PIK3CB: variants seen among roughly 807,000 people sequenced by gnomAD.
PIK3CB encodes phosphatidylinositol-4,5-bisphosphate 3-kinase catalytic subunit beta.
PIK3CB carries 39 observed loss-of-function variants against 136.8 expected under a neutral mutation model. The ratio of observed to expected loss-of-function variants is 0.29; its 90% confidence interval spans 0.22 to 0.37. The LOEUF is 0.37. Ranked by LOEUF, PIK3CB falls within the 10% of genes least tolerant of loss-of-function variation. The probability of loss-of-function intolerance (pLI) is 1.00; values close to 1 mark genes in which losing one functional copy is unlikely to be tolerated. For missense variants in PIK3CB, 868 were observed against 1,275.4 expected, an observed-to-expected ratio of 0.68 and a Z score of 4.87; for synonymous variants, 428 against 436.6, an observed-to-expected ratio of 0.98 and a Z score of 0.25.
rs1295701645 is a variant in PIK3CB at position 138,826,235 on chromosome 3, G to C, written c.-122+8460C>G. On this transcript the variant is annotated intron_variant, in intron 1 of 23. Coordinates refer to ENST00000674063, the MANE Select transcript of PIK3CB (RefSeq NM_006219.3). The stretch of plus-strand genomic sequence containing the variant: ...ATTTTGCTGCTCGTGATATGAAACA[G>C]AGTTGCCGTGGGTGTCATCAAAGCA... 3.3e-6 allele frequency: 5 copies of C among 1,519,294 alleles called. No homozygotes were observed. The Admixed American group carries it at 6.7e-5, about 20-fold the overall frequency. The allele number at this position is 1,519,294 out of a possible 1,614,324, so 94.1% of individuals were successfully genotyped here.
intron 2 of PIK3CB, among the ~76,000 whole-genome samples, chr3:138,760,625 G>A (rs1327998502): frequency 6.6e-6 from 1 of 152,198 alleles, no homozygotes; most frequent in African/African-American, 2.4e-5. Context: ...AGAGACAGGA[G>A]GCCGGGCACA....
At chr3:138,683,512 A>G (rs7637669) in intron 18 of PIK3CB, among the ~76,000 whole-genome samples, 166 bp downstream of exon 18, 4,597 of 152,204 alleles carry the variant, frequency 0.03, 235 homozygotes, top group African/African-American at 0.11. Context: ...GAGGGGGAAA[A>G]AAAAAGCATT....
rs553406666 is a variant in PIK3CB, at chr3:138,693,994, T to A, written c.1892+792A>T. On this transcript the variant is annotated intron_variant, in intron 14 of 23. Coordinates refer to ENST00000674063, the MANE Select transcript of PIK3CB (RefSeq NM_006219.3). ...TATATATATATATATATATATATAT[T>A]TTAAACCCATGACAAAAATTAACAT... 6.0e-3 allele frequency among the ~76,000 whole-genome samples: 635 copies of A among 105,828 alleles called. 13 individuals are homozygous for A. The highest frequency in any genetic ancestry group is 0.018 in the African/African-American group (561 of 30,672). 69.4% of individuals were successfully genotyped at this position (105,828 alleles called of 152,430 possible).
At chr3:138,685,396 C>CAAAAAAAAAAAAAAAAAA (rs398052626) in intron 16 of PIK3CB, among the ~76,000 whole-genome samples, 29 of 58,348 alleles carry the variant, frequency 5.0e-4, no homozygotes, top group African/African-American at 1.6e-3. Flanking sequence ...GAAACTGTCT[C>CAAAAAAAAAAAAAAAAAA]AAAAAAAAAA....
At chr3:138,784,774 C>G (rs550861827) in intron 2 of PIK3CB, among the ~76,000 whole-genome samples, 63 of 152,346 alleles carry the variant, frequency 4.1e-4, no homozygotes, top group Non-Finnish European at 6.3e-4. Flanking sequence ...GATCTCAGCT[C>G]GCTATAACCT....
At chr3:138,706,815 T>C (rs361083) in intron 11 of PIK3CB, among the ~76,000 whole-genome samples, 90,605 of 152,052 alleles carry the variant, frequency 0.6, 27,828 homozygotes, top group East Asian at 0.98. Flanking sequence ...TGCCACCATG[T>C]CCAGCTAATT....
intron 2 of PIK3CB, among the ~76,000 whole-genome samples, chr3:138,779,692 C>A (rs1446096045): frequency 1.7e-5 from 2 of 115,008 alleles, no homozygotes; most frequent in Non-Finnish European, 3.6e-5. Context: ...CTGCACCTGG[C>A]CAAATTTTTT....
Position 138,724,686 on chromosome 3 carries a change from T to C in PIK3CB, c.1050+8675A>G, listed in dbSNP as rs111643058. On this transcript the variant is annotated intron_variant, in intron 8 of 23. Coordinates refer to ENST00000674063, the MANE Select transcript of PIK3CB (RefSeq NM_006219.3). ...CACTTCTATCATTACCCAGATTCCA[T>C]GGGTCTTGAAAGCTCTTTTGTCAGG... 3.5e-3 allele frequency among the ~76,000 whole-genome samples: 536 copies of C among 152,264 alleles called. 2 individuals carry two copies. Among genetic ancestry groups the C allele is most frequent in the Non-Finnish European group, 5.6e-3 (379 of 68,010 alleles).
intron 1 of PIK3CB, among the ~76,000 whole-genome samples, chr3:138,805,623 G>C (rs539291724): frequency 1.4e-4 from 22 of 151,814 alleles, no homozygotes; most frequent in African/African-American, 5.1e-4. Context: ...AGTGAGCCAA[G>C]ATTGCGCCAC....
chr3:138,817,540 A>G (rs965953715), intron 1 of PIK3CB, among the ~76,000 whole-genome samples: 3 of 152,134 alleles, frequency 2.0e-5, no homozygotes, highest in African/African-American at 7.2e-5. Context: ...AATAATTAAA[A>G]TATGCTGGTA....
intron 1 of PIK3CB, among the ~76,000 whole-genome samples, chr3:138,804,661 C>G (rs1332083064): frequency 6.6e-6 from 1 of 152,142 alleles, no homozygotes; most frequent in African/African-American, 2.4e-5. Flanking sequence ...TCACTAAATG[C>G]AAGACGCAAT....
intron 22 of PIK3CB, 77 bp downstream of exon 22, chr3:138,657,613 G>A: frequency 7.9e-7 from 1 of 1,260,372 alleles, no homozygotes; most frequent in Admixed American, 2.0e-5. Context: ...ATATATCTCA[G>A]CTAAGAAATG....
chr3:138,737,874 A>C lies in PIK3CB; in HGVS notation c.634T>G (p.Phe212Val). The change falls in exon 6 of 24, where the codon TTT becomes GTT. Residue 212 changes from phenylalanine (F) to valine (V), a missense_variant. Coordinates refer to ENST00000674063, the MANE Select transcript of PIK3CB (RefSeq NM_006219.3). ...GGATTCATATTAGGAGACACTTGAA[A>C]GCTAAACACGTCCTGAAGGGGGAGG... is the stretch of plus-strand genomic sequence containing the variant. ...HFENCQDVFS[F>V]QVSPNMNPIK... is the part of the protein sequence containing the mutation. 1 of 1,597,398 alleles carries C rather than the reference A, an allele frequency of 6.3e-7. No individual in the cohort carries two copies.
intron 6 of PIK3CB, among the ~76,000 whole-genome samples, 165 bp downstream of exon 6, chr3:138,737,542 A>C (rs1374069993): frequency 6.6e-6 from 1 of 151,242 alleles, no homozygotes; most frequent in Non-Finnish European, 1.5e-5. Flanking sequence ...TGATTATCTC[A>C]GAGGTAAGTA....
At chr3:138,742,269 GT>G (rs1440321661) in intron 5 of PIK3CB, among the ~76,000 whole-genome samples, 3 of 151,902 alleles carry the variant, frequency 2.0e-5, no homozygotes, top group Non-Finnish European at 4.4e-5. Flanking sequence ...AATCTTTGAG[GT>G]TTTTTTCTCT....
intron 1 of PIK3CB, among the ~76,000 whole-genome samples, chr3:138,811,021 G>A (rs1041744690): frequency 1.3e-4 from 19 of 151,718 alleles, no homozygotes; most frequent in African/African-American, 4.1e-4. Context: ...AAGGTCAGGC[G>A]TTTGACACCA....
In PIK3CB at chr3:138,712,278, C is replaced by A. The variant is rs78536752; in HGVS notation, c.1329G>T (p.Thr443=). ...ATTGTCCTTTAAAGTCAAAAACCAT[C>A]GTATTTACCCACGCTACAGGATAAT... The part of the protein sequence containing the change: ...KVHYPVAWVN[T]MVFDFKGQLR... Residue 443 remains threonine (T), a synonymous_variant, in exon 10 of 24, where the codon ACG becomes ACT. Coordinates refer to ENST00000674063, the MANE Select transcript of PIK3CB (RefSeq NM_006219.3). 28 of 1,575,188 alleles carry A rather than the reference C, an allele frequency of 1.8e-5. No homozygotes were observed. The highest frequency in any genetic ancestry group is 2.4e-5 in the Non-Finnish European group (28 of 1,154,022).
chr3:138,718,159 G>GT (rs1355931277), intron 8 of PIK3CB, among the ~76,000 whole-genome samples: 3 of 152,024 alleles, frequency 2.0e-5, no homozygotes, highest in African/African-American at 7.2e-5. Context: ...CCAGCAGTGT[G>GT]TATGTGTTCT....
chr3:138,813,232 C>A (rs1199579236), intron 1 of PIK3CB, among the ~76,000 whole-genome samples: 1 of 152,100 alleles, frequency 6.6e-6, no homozygotes. Context: ...TCAAGAGAAT[C>A]CCTCTGCTCT....
Sources: allele counts gnomAD v4.1 joint callset (sites outside exome capture counted in the v4.1 genomes callset), GRCh38; gene constraint gnomAD v4.1.1; transcripts MANE v1.5; gene names NCBI Gene and HGNC (gene_info 2026-07-23, HGNC 2026-07-21).